Variants in IL1RAPL2 observed in about 807,000 individuals in gnomAD.
The protein encoded by IL1RAPL2 is X-linked interleukin-1 receptor accessory protein-like 2.
Under a neutral mutation model 44.1 loss-of-function variants are expected in IL1RAPL2, and 3 were observed. The observed-to-expected ratio is 0.07, with a 90% CI of 0.03 to 0.18. The LOEUF (loss-of-function observed/expected upper bound fraction) is 0.18. Ranked by LOEUF, IL1RAPL2 falls within the 10% of genes least tolerant of loss-of-function variation. IL1RAPL2 has a pLI of 1.00. For missense variants in IL1RAPL2, 391 were observed against 496.4 expected (o/e 0.79, Z 2.02); for synonymous variants, 181 against 178.8 (o/e 1.01, Z -0.10).
intron 1 of IL1RAPL2, among the ~76,000 whole-genome samples, chrX:104,599,082 G>A (rs1367886378): frequency 1.8e-5 from 2 of 111,346 alleles, no homozygotes; most frequent in African/African-American, 6.5e-5. Flanking sequence ...GGTGAAGTGG[G>A]ATAAGGAGAA....
chrX:104,570,146 A>G (rs1928117645), intron 1 of IL1RAPL2, among the ~76,000 whole-genome samples: 1 of 111,719 alleles, frequency 9.0e-6, no homozygotes, highest in African/African-American at 3.3e-5. Context: ...AAACCTCGAG[A>G]TGTAGACTAA....
Position 105,055,619 on chromosome X carries a change from G to A in IL1RAPL2, c.83-139856G>A, listed in dbSNP as rs745513088. On this transcript the variant is annotated intron_variant, in intron 2 of 10. Coordinates refer to ENST00000372582, the MANE Select transcript of IL1RAPL2 (RefSeq NM_017416.2). ...CAGTCACTCTAATCTCATCCCATTG[G>A]CTATTTTATGATTTAATATTTAAAT... Among the ~76,000 whole-genome samples the A allele has an allele frequency of 4.5e-5, 5 of 111,963 alleles. No individual in the cohort carries two copies. In the South Asian group the frequency reaches 1.9e-3, roughly 41 times the overall value.
chrX:105,693,883 A>G (rs1047594125), intron 6 of IL1RAPL2, among the ~76,000 whole-genome samples: 2 of 111,889 alleles, frequency 1.8e-5, no homozygotes, highest in Admixed American at 1.9e-4. Context: ...AAGCTGGAAA[A>G]TGTAAGGAAA....
chrX:105,074,896 C>A (rs1201782030), intron 2 of IL1RAPL2, among the ~76,000 whole-genome samples: 9 of 110,780 alleles, frequency 8.1e-5, no homozygotes, highest in Non-Finnish European at 1.5e-4. Context: ...GATTTTGTAA[C>A]CTGAGACTTT....
At chrX:104,702,733 G>A (rs898477236) in intron 2 of IL1RAPL2, among the ~76,000 whole-genome samples, 4 of 111,292 alleles carry the variant, frequency 3.6e-5, no homozygotes, top group African/African-American at 1.3e-4. Context: ...ATGTGTGTGT[G>A]TGTATAGAGT....
At chrX:104,771,672 A>G (rs186149929) in intron 2 of IL1RAPL2, among the ~76,000 whole-genome samples, 1 of 111,701 alleles carries the variant, frequency 9.0e-6, no homozygotes, top group Admixed American at 9.5e-5. Flanking sequence ...CTCAGGTGAA[A>G]TAATTTTGAT....
intron 5 of IL1RAPL2, among the ~76,000 whole-genome samples, chrX:105,402,142 C>G (rs1716391065): frequency 9.0e-6 from 1 of 111,378 alleles, no homozygotes; most frequent in South Asian, 3.7e-4. Flanking sequence ...TTAAAAATAA[C>G]CTAATATTAA....
chrX:105,138,817 TC>T (rs778286990), intron 2 of IL1RAPL2, among the ~76,000 whole-genome samples: 22 of 111,215 alleles, frequency 2.0e-4, no homozygotes, highest in Non-Finnish European at 3.6e-4. Context: ...CCTTACCTCT[TC>T]CCCTTTCCAC....
At position 105,460,926 on chromosome X, in the gene IL1RAPL2, G is replaced by A. The variant is rs770057340; in HGVS notation, c.698-23387G>A. Among the ~76,000 whole-genome samples the A allele has an allele frequency of 7.2e-5, 8 of 111,624 alleles. No individual in the cohort carries two copies. In the East Asian group the frequency reaches 2.3e-3, roughly 32 times the overall value. On this transcript the variant is annotated intron_variant, in intron 5 of 10. Transcript: ENST00000372582. ...TCTGTGTACACACAAGGACAATGTA[G>A]TTAAAATGGGTGACTTTAGTTTGTT... is the stretch of plus-strand genomic sequence containing the variant.
intron 2 of IL1RAPL2, among the ~76,000 whole-genome samples, chrX:105,020,693 G>A (rs932129054): frequency 9.0e-6 from 1 of 111,678 alleles, no homozygotes; most frequent in African/African-American, 3.3e-5. Flanking sequence ...CTCTCAATAT[G>A]TGTTAGCTCT....
rs186145657 is a variant in IL1RAPL2 at position 104,737,263 on chromosome X, G to A, written c.82+78268G>A. Among the ~76,000 whole-genome samples, 137 of 112,419 alleles carry A rather than the reference G, an allele frequency of 1.2e-3. No individual in the cohort carries two copies. The Middle Eastern group carries it at 0.019, about 15-fold the overall frequency. On this transcript the variant is annotated intron_variant, in intron 2 of 10. Coordinates refer to ENST00000372582, the MANE Select transcript of IL1RAPL2 (RefSeq NM_017416.2). ...CAACAATAAGAACAGAATGGTACAA[G>A]CAATATGTATGTACAGGATTTACTT... is the stretch of plus-strand genomic sequence containing the variant.
At chrX:104,652,298 C>A (rs1035317413) in intron 1 of IL1RAPL2, among the ~76,000 whole-genome samples, 1 of 111,474 alleles carries the variant, frequency 9.0e-6, no homozygotes, top group Non-Finnish European at 1.9e-5. Context: ...TTTATGACAG[C>A]AGGAAATATG....
At chrX:105,701,527 A>G (rs891988216) in intron 6 of IL1RAPL2, among the ~76,000 whole-genome samples, 1 of 111,053 alleles carries the variant, frequency 9.0e-6, no homozygotes, top group Non-Finnish European at 1.9e-5. Flanking sequence ...ATTCCAGTCT[A>G]CTTAGATCTA....
chrX:104,782,075 T>G (rs1328114992), intron 2 of IL1RAPL2, among the ~76,000 whole-genome samples: 2 of 111,566 alleles, frequency 1.8e-5, no homozygotes, highest in Non-Finnish European at 3.8e-5. Flanking sequence ...GGCACCTTGA[T>G]CTTGGATTTC....
chrX:104,872,352 A>C (rs979805596), intron 2 of IL1RAPL2, among the ~76,000 whole-genome samples: 1 of 111,633 alleles, frequency 9.0e-6, no homozygotes, highest in African/African-American at 3.3e-5. Context: ...AGCTCTCCTT[A>C]AAAATTATCT....
At chrX:105,738,943 G>A (rs2038472705) in intron 7 of IL1RAPL2, among the ~76,000 whole-genome samples, 1 of 110,616 alleles carries the variant, frequency 9.0e-6, no homozygotes, top group South Asian at 3.9e-4. Context: ...AGGGTCATGG[G>A]GGTGTTAGCA....
chrX:105,600,866 A>C (rs1158158507), intron 6 of IL1RAPL2, among the ~76,000 whole-genome samples: 6 of 111,192 alleles, frequency 5.4e-5, no homozygotes, highest in Non-Finnish European at 9.4e-5. Context: ...TGATGGTTCC[A>C]CTAGAAGGGT....
intron 8 of IL1RAPL2, among the ~76,000 whole-genome samples, chrX:105,746,637 A>C (rs1205891206): frequency 9.0e-6 from 1 of 111,662 alleles, no homozygotes; most frequent in Non-Finnish European, 1.9e-5. Context: ...TGGACCCCAA[A>C]ATCACAAAGG....
chrX:105,126,052 G>A (rs950031856), intron 2 of IL1RAPL2, among the ~76,000 whole-genome samples: 9 of 111,115 alleles, frequency 8.1e-5, no homozygotes, highest in African/African-American at 2.6e-4. Flanking sequence ...CCTCTGTAAT[G>A]GCAGAACATG....
Sources: allele counts gnomAD v4.1 joint callset (sites outside exome capture counted in the v4.1 genomes callset), GRCh38; gene constraint gnomAD v4.1.1; transcripts MANE v1.5; gene names NCBI Gene and HGNC (gene_info 2026-07-23, HGNC 2026-07-21).